CCDC18: variants seen among roughly 807,000 people sequenced by gnomAD.
CCDC18 encodes coiled-coil domain containing 18, also known as coiled-coil domain-containing protein 18.
In CCDC18, 157 loss-of-function variants were observed where a neutral mutation model predicts 196.0. The ratio of observed to expected loss-of-function variants is 0.80; its 90% CI spans 0.70 to 0.91. The LOEUF (loss-of-function observed/expected upper bound fraction) is 0.91. Among genes scored for constraint, CCDC18 ranks in the 40% least tolerant of loss-of-function variants. The pLI, the probability that CCDC18 is intolerant of heterozygous loss-of-function variation, is 0.00. For missense variants in CCDC18, 1,465 were observed against 1,611.6 expected (o/e 0.91, Z 1.56); for synonymous variants, 482 against 529.2 (o/e 0.91, Z 1.22).
chr1:93,229,196 A>G (rs1248915963), intron 17 of CCDC18, among the ~76,000 whole-genome samples: 1 of 152,256 alleles, frequency 6.6e-6, no homozygotes, highest in African/African-American at 2.4e-5. Flanking sequence ...TAAGTAAATT[A>G]GAAAGATTTG....
Position 93,246,916 on chromosome 1 carries a change from G to T in CCDC18, c.3160G>T (p.Glu1054Ter). 6.7e-7 allele frequency: 1 copy of T among 1,483,518 alleles called. No homozygotes were observed. The highest frequency in any genetic ancestry group is 1.2e-5 in the South Asian group (1 of 81,998). The allele number at this position is 1,483,518 out of a possible 1,614,324, so 91.9% of individuals were successfully genotyped here. The stretch of plus-strand genomic sequence containing the variant: ...AATAATTAAATTAGAAGGTACTCTG[G>T]AGAAATCAGAATTGGAACTTAAAGA... Reference protein sequence around the residue: ...QKIIKLEGTLEKSELELKECN... With the variant: ...QKIIKLEGTL Residue 1054 changes from glutamate to a stop codon, truncating the protein, a stop_gained, in exon 23 of 29, where the codon GAG (glutamate) becomes TAG (stop). Coordinates refer to ENST00000690025, the MANE Select transcript of CCDC18 (RefSeq NM_001378204.1). LOFTEE classifies it high-confidence loss of function.
At chr1:93,186,868 C>T (rs943669124) in intron 4 of CCDC18, among the ~76,000 whole-genome samples, 5 of 151,904 alleles carry the variant, frequency 3.3e-5, no homozygotes, top group African/African-American at 1.2e-4. Flanking sequence ...AAAGATCACC[C>T]AGAGTTTCCA....
chr1:93,245,591 T>G (rs72717354), intron 21 of CCDC18, among the ~76,000 whole-genome samples: 8,405 of 152,172 alleles, frequency 0.055, 309 homozygotes, highest in South Asian at 0.071. Context: ...ATACATAAAT[T>G]AGGGTTTAAG....
chr1:93,272,193 T>G (rs1665331192), intron 28 of CCDC18, among the ~76,000 whole-genome samples: 1 of 152,250 alleles, frequency 6.6e-6, no homozygotes, highest in Non-Finnish European at 1.5e-5. Flanking sequence ...CTTAAGTATA[T>G]GTCTATCTAC....
At chr1:93,215,615 T>C (rs1246912033) in intron 12 of CCDC18, among the ~76,000 whole-genome samples, 3 of 152,024 alleles carry the variant, frequency 2.0e-5, no homozygotes, top group Admixed American at 1.3e-4. Flanking sequence ...TGTCACTATG[T>C]CCAGCTAAGT....
intron 17 of CCDC18, among the ~76,000 whole-genome samples, chr1:93,231,052 T>G (rs1370836798): frequency 2.0e-5 from 3 of 152,230 alleles, no homozygotes; most frequent in Non-Finnish European, 4.4e-5. Flanking sequence ...GTATACAACA[T>G]CATCATATAA....
intron 5 of CCDC18, among the ~76,000 whole-genome samples, chr1:93,192,492 G>T (rs567756101): frequency 6.6e-6 from 1 of 152,312 alleles, no homozygotes; most frequent in African/African-American, 2.4e-5. Flanking sequence ...GAGTGCAGTG[G>T]TACAGTATGG....
intron 25 of CCDC18, among the ~76,000 whole-genome samples, chr1:93,258,406 A>G (rs1384468777): frequency 6.6e-6 from 1 of 152,150 alleles, no homozygotes; most frequent in African/African-American, 2.4e-5. Flanking sequence ...TGATAAACAG[A>G]CAATATATAT....
chr1:93,211,714 C>T (rs1392083318), intron 10 of CCDC18, among the ~76,000 whole-genome samples: 1 of 152,044 alleles, frequency 6.6e-6, no homozygotes, highest in East Asian at 1.9e-4. Flanking sequence ...AGGATTCTGT[C>T]CTATAACAGT....
chr1:93,181,198 C>T (rs1649601216), intron 1 of CCDC18, among the ~76,000 whole-genome samples: 1 of 106,258 alleles, frequency 9.4e-6, no homozygotes, highest in Non-Finnish European at 1.9e-5. Context: ...CACTTCCGTC[C>T]CCCACCCCCG....
chr1:93,221,785 A>G (rs1241544582), intron 15 of CCDC18, 42 bp downstream of exon 15: 3 of 1,593,918 alleles, frequency 1.9e-6, no homozygotes, highest in Non-Finnish European at 2.6e-6. Context: ...AAGTTGACTA[A>G]TATTTTATGT....
chr1:93,205,317 GTCTT>G (rs1654545044), intron 7 of CCDC18, among the ~76,000 whole-genome samples, 189 bp from the exon 8 acceptor site: 1 of 152,134 alleles, frequency 6.6e-6, no homozygotes, highest in Non-Finnish European at 1.5e-5. Flanking sequence ...AGGTAGTAGT[GTCTT>G]TTTCTCTGTC....
intron 14 of CCDC18, among the ~76,000 whole-genome samples, chr1:93,219,387 G>A (rs1657041999): frequency 6.6e-6 from 1 of 152,114 alleles, no homozygotes; most frequent in Non-Finnish European, 1.5e-5. Context: ...AGCATGCTAT[G>A]TCTTCTCTTT....
chr1:93,212,171 CAG>C lies in CCDC18; in HGVS notation c.1408_1409del (p.Leu471TyrfsTer4), dbSNP rs754274288. 4 of 1,611,204 alleles carry C rather than the reference CAG, an allele frequency of 2.5e-6. No homozygotes were observed. The highest frequency in any genetic ancestry group is 3.4e-6 in the Non-Finnish European group (4 of 1,178,966). On this transcript the variant is annotated frameshift_variant, in exon 11 of 29. Coordinates refer to ENST00000690025, the MANE Select transcript of CCDC18 (RefSeq NM_001378204.1). LOFTEE classifies it high-confidence loss of function. ...HANLTANQLS[Q>X]SLITCNDSQE... ...AAACCTGACTGCAAATCAGTTATCT[CAG>C]AGTCTTATTACTTGTAATGACAGCC...
intron 27 of CCDC18, among the ~76,000 whole-genome samples, chr1:93,265,824 G>C (rs1390491488): frequency 6.6e-6 from 1 of 152,142 alleles, no homozygotes; most frequent in Admixed American, 6.5e-5. Context: ...AAGAGACTTA[G>C]ACTCCCACAC....
chr1:93,209,347 G>C (rs1052070903), intron 9 of CCDC18, among the ~76,000 whole-genome samples: 5 of 152,196 alleles, frequency 3.3e-5, no homozygotes, highest in Non-Finnish European at 1.5e-5. Flanking sequence ...AAGAAGGTAA[G>C]TAAACCTATT....
At chr1:93,273,474 T>C (rs1003530989) in intron 28 of CCDC18, 1 of 152,232 alleles carries the variant, frequency 6.6e-6, no homozygotes, top group Admixed American at 6.5e-5. Flanking sequence ...GGTTACTTAC[T>C]TTGGAGAGTA....
At chr1:93,253,131 G>A (rs891749180) in intron 23 of CCDC18, among the ~76,000 whole-genome samples, 2 of 152,190 alleles carry the variant, frequency 1.3e-5, no homozygotes, top group Admixed American at 6.5e-5. Flanking sequence ...CCCAGTCTCA[G>A]CTTAGAGGGG....
At position 93,186,390 on chromosome 1, in the gene CCDC18, C is replaced by G; in HGVS notation, c.349C>G (p.Arg117Gly). The G allele has an allele frequency of 6.2e-7, 1 of 1,612,072 alleles. No individual in the cohort carries two copies. Among genetic ancestry groups the G allele is most frequent in the Non-Finnish European group, 8.5e-7 (1 of 1,178,738 alleles). ...TGTGGATCAGGAGATTAAAAGCCTT[C>G]GAGAGAAACTAAATAAACTTAGGCA... The part of the protein sequence containing the change: ...APVDQEIKSL[R>G]EKLNKLRQQN... Residue 117 changes from arginine to glycine, a missense_variant, in exon 4 of 29, where the codon CGA (arginine) becomes GGA (glycine). Physicochemically the swap from Arg to Gly is moderately radical, Grantham distance 125. Transcript: ENST00000690025.
Sources: gnomAD v4.1 joint callset for allele counts (sites outside exome capture counted in the v4.1 genomes callset) on GRCh38, gnomAD v4.1.1 for gene constraint, MANE v1.5 for transcripts, NCBI Gene and HGNC (gene_info 2026-07-23, HGNC 2026-07-21) for gene names.